Variants in F8 observed in about 807,000 individuals in gnomAD.
F8 encodes the protein coagulation factor VIII, also known as antihemophilic factor.
In F8, 12 loss-of-function variants were observed where a neutral mutation model predicts 140.6. The ratio of observed to expected loss-of-function variants is 0.09; its 90% CI spans 0.05 to 0.14. The LOEUF is 0.14. Among genes scored for constraint, F8 ranks in the 10% least tolerant of loss-of-function variants. The pLI is 1.00. For missense variants in F8, 1,354 were observed against 1,720.7 expected (o/e 0.79, Z 3.77); for synonymous variants, 585 against 614.6 (o/e 0.95, Z 0.71).
At chrX:155,015,049 A>G (rs2073727162) in intron 1 of F8, among the ~76,000 whole-genome samples, 1 of 112,408 alleles carries the variant, frequency 8.9e-6, no homozygotes, top group Admixed American at 9.4e-5. Flanking sequence ...AATCAAAACA[A>G]TCTGGTACTG....
intron 14 of F8, among the ~76,000 whole-genome samples, chrX:154,913,812 G>C (rs1480161055): frequency 3.5e-5 from 4 of 112,808 alleles, no homozygotes; most frequent in African/African-American, 1.3e-4. Context: ...GCTTTCATGG[G>C]CTGGCATTGA....
At chrX:154,870,776 A>G (rs2072768187) in intron 22 of F8, among the ~76,000 whole-genome samples, 1 of 111,734 alleles carries the variant, frequency 8.9e-6, no homozygotes, top group Non-Finnish European at 1.9e-5. Context: ...TGCAGATGAC[A>G]TGATTGTATA....
At chrX:154,963,111 G>A (rs949919799) in intron 9 of F8, among the ~76,000 whole-genome samples, 3 of 111,325 alleles carry the variant, frequency 2.7e-5, no homozygotes, top group Non-Finnish European at 3.8e-5. Flanking sequence ...CTTTTATTTC[G>A]TTGAGCAGTG....
intron 13 of F8, among the ~76,000 whole-genome samples, chrX:154,943,706 G>A (rs182105506): frequency 4.5e-5 from 5 of 111,439 alleles, no homozygotes; most frequent in South Asian, 3.8e-4. Flanking sequence ...AGCCCGCATC[G>A]CCAAGTCAAT....
At chrX:154,843,364 C>T (rs1206805163) in intron 25 of F8, among the ~76,000 whole-genome samples, 10 of 111,980 alleles carry the variant, frequency 8.9e-5, no homozygotes, top group Non-Finnish European at 1.5e-4. Context: ...CTTGAGGAAT[C>T]GCCACACTGT....
At chrX:154,981,643 T>C (rs1162882573) in intron 6 of F8, among the ~76,000 whole-genome samples, 1 of 111,358 alleles carries the variant, frequency 9.0e-6, no homozygotes, top group Non-Finnish European at 1.9e-5. Flanking sequence ...CTAATATGAA[T>C]ATTTATCTCT....
intron 1 of F8, among the ~76,000 whole-genome samples, chrX:155,015,529 T>C (rs2073729693): frequency 8.9e-6 from 1 of 112,183 alleles, no homozygotes; most frequent in South Asian, 3.7e-4. Context: ...AATTAAAAAC[T>C]GGCAAACCAT....
chrX:154,940,134 C>G (rs2073250819), intron 13 of F8, among the ~76,000 whole-genome samples: 2 of 112,210 alleles, frequency 1.8e-5, no homozygotes, highest in South Asian at 7.4e-4. Context: ...GAATGCAGCT[C>G]CTCACCAGCA....
chrX:155,020,755 A>G (rs968005315), intron 1 of F8, among the ~76,000 whole-genome samples: 2 of 112,523 alleles, frequency 1.8e-5, no homozygotes, highest in Non-Finnish European at 3.8e-5. Context: ...TCAACTTATT[A>G]GAAATAAAAA....
At chrX:154,838,605 G>A (rs1557271123) in intron 25 of F8, among the ~76,000 whole-genome samples, 1 of 111,948 alleles carries the variant, frequency 8.9e-6, no homozygotes, top group African/African-American at 3.3e-5. Flanking sequence ...GAGGCAACTT[G>A]CCACCAAAAT....
chrX:154,899,726 G>A, intron 21 of F8, 140 bp downstream of exon 21: 1 of 562,343 alleles, frequency 1.8e-6, no homozygotes, highest in Non-Finnish European at 3.0e-6. Context: ...CTTTGTTCAT[G>A]ACTGCTTTTG....
At chrX:154,931,774 A>G (rs2073200262) in intron 13 of F8, 98 bp from the exon 14 acceptor site, 5 of 714,891 alleles carry the variant, frequency 7.0e-6, no homozygotes, top group Non-Finnish European at 1.1e-5. Flanking sequence ...ATGAAAAAAT[A>G]CTAGTCAGTA....
intron 22 of F8, among the ~76,000 whole-genome samples, chrX:154,893,052 G>C (rs918704651): frequency 8.9e-6 from 1 of 111,853 alleles, no homozygotes; most frequent in Admixed American, 9.4e-5. Context: ...TCTTAACCCC[G>C]ATGTTCCTCT....
intron 12 of F8, among the ~76,000 whole-genome samples, chrX:154,951,832 T>C (rs1557280766): frequency 9.0e-6 from 1 of 111,413 alleles, no homozygotes; most frequent in Non-Finnish European, 1.9e-5. Context: ...TCCAATCTCT[T>C]CTTTCTCAAT....
intron 21 of F8, chrX:154,898,006 A>C (rs1166528359): frequency 2.7e-5 from 3 of 112,523 alleles, no homozygotes; most frequent in Admixed American, 1.9e-4. Context: ...GTTTCAGTGT[A>C]ACTACAAGAC....
Position 154,902,069 on chromosome X carries a change from A to G in F8, c.6097T>C (p.Phe2033Leu). ...TACTCACTATTGCTGTACACCAGAA[A>G]AAGTGTGCTCATCCCAGCATGTAGA... is the stretch of plus-strand genomic sequence containing the variant. ...EHLHAGMSTL[F>L]LVYSNKCQTP... is the part of the protein sequence containing the mutation. The change falls in exon 19 of 26, where the codon TTT becomes CTT. Residue 2033 changes from phenylalanine to leucine, a missense_variant. Around this residue, in one of 4 missense-constraint regions of F8, gnomAD observed 316 missense variants for 485.4 expected, o/e 0.65. Coordinates refer to ENST00000360256, the MANE Select transcript of F8 (RefSeq NM_000132.4). The G allele has an allele frequency of 8.3e-7, 1 of 1,206,904 alleles. No individual in the cohort carries two copies. The highest frequency in any genetic ancestry group is 1.1e-6 in the Non-Finnish European group (1 of 890,922).
intron 1 of F8, among the ~76,000 whole-genome samples, chrX:155,002,563 G>A (rs1356363114): frequency 9.3e-6 from 1 of 107,637 alleles, no homozygotes; most frequent in Non-Finnish European, 1.9e-5. Context: ...AAGCATTCTT[G>A]GTTCTGCCTT....
rs1391413304 is a variant in F8, at chrX:154,969,224, A to G, written c.1009+107T>C. 8 of 747,129 alleles carry G rather than the reference A, an allele frequency of 1.1e-5. No homozygotes were observed. In the Admixed American group the frequency reaches 1.1e-4, roughly 11 times the overall value. The allele number at this position is 747,129 out of a possible 1,213,427, so 61.6% of individuals were successfully genotyped here. A position where few individuals can be genotyped will look rare whatever the true frequency, so the allele number is the denominator to read the frequency against. On this transcript the variant is annotated intron_variant, in intron 7 of 25. Transcript: ENST00000360256. ...CTGAGGTCTAATACAGTAACTCTAT[A>G]ATGTCCCCTTCAGCAACACACTATA...
chrX:154,894,250 G>C (rs2072966907), intron 22 of F8, among the ~76,000 whole-genome samples: 1 of 107,588 alleles, frequency 9.3e-6, no homozygotes, highest in Non-Finnish European at 1.9e-5. Flanking sequence ...TGAGGGCTGT[G>C]TCATGGGCCA....
Sources: gnomAD v4.1 joint callset for allele counts (sites outside exome capture counted in the v4.1 genomes callset) on GRCh38, gnomAD v4.1.1 for gene constraint, gnomAD v4.1.1 regional missense constraint, MANE v1.5 for transcripts, NCBI Gene and HGNC (gene_info 2026-07-23, HGNC 2026-07-21) for gene names.